Variants in MYO9A observed in about 807,000 individuals in gnomAD.
MYO9A encodes myosin IXA, also known as unconventional myosin-IXa.
MYO9A carries 103 observed loss-of-function variants against 293.3 expected under a neutral mutation model. That is an observed-to-expected ratio of 0.35 (90% CI 0.30 to 0.41). The LOEUF (loss-of-function observed/expected upper bound fraction) is 0.41, where lower values mean the gene tolerates loss of function less well. Ranked by LOEUF, MYO9A falls within the 10% of genes least tolerant of loss-of-function variation. The probability of loss-of-function intolerance (pLI) is 1.00; values close to 1 mark genes in which losing one functional copy is unlikely to be tolerated. For synonymous variants in MYO9A, 1,001 were observed against 1,035.7 expected (o/e 0.97, Z 0.64); for missense variants, 2,685 against 3,033.0 (o/e 0.89, Z 2.69).
chr15:71,987,440 G>A (rs1470508423), intron 11 of MYO9A, among the ~76,000 whole-genome samples: 1 of 152,164 alleles, frequency 6.6e-6, no homozygotes, highest in Non-Finnish European at 1.5e-5. Flanking sequence ...TAAGTACAAT[G>A]TGTATAATGT....
At chr15:72,118,309 C>T, upstream of MYO9A, 1 of 236,620 alleles carries the variant, frequency 4.2e-6, no homozygotes, top group Non-Finnish European at 8.1e-6. Context: ...CTTCACCTTA[C>T]GGCAGAGCAG....
intron 1 of MYO9A, among the ~76,000 whole-genome samples, chr15:72,080,617 T>C (rs887773611): frequency 3.3e-5 from 5 of 151,978 alleles, no homozygotes; most frequent in African/African-American, 1.2e-4. Flanking sequence ...TTGGGTTTTT[T>C]TTTTACTTTT....
chr15:71,984,587 G>C (rs2076362313), intron 11 of MYO9A, among the ~76,000 whole-genome samples: 2 of 152,038 alleles, frequency 1.3e-5, no homozygotes, highest in Non-Finnish European at 2.9e-5. Flanking sequence ...GCACATGTTA[G>C]ACCTTTTTAC....
intron 9 of MYO9A, among the ~76,000 whole-genome samples, chr15:71,998,450 A>T (rs1463564140): frequency 6.6e-6 from 1 of 152,144 alleles, no homozygotes; most frequent in African/African-American, 2.4e-5. Context: ...TTAAAAGTTA[A>T]ATTTTTTAAA....
intron 6 of MYO9A, among the ~76,000 whole-genome samples, chr15:72,012,598 C>G (rs2077206315): frequency 6.6e-6 from 1 of 152,076 alleles, no homozygotes; most frequent in Admixed American, 6.6e-5. Flanking sequence ...GTACCCAGCC[C>G]TAAGATAAAT....
chr15:72,008,504 GTA>G (rs1555403725), intron 7 of MYO9A, among the ~76,000 whole-genome samples: 11 of 150,718 alleles, frequency 7.3e-5, no homozygotes, highest in African/African-American at 2.4e-4. Context: ...GTGTGTGTGT[GTA>G]TGTGTGTGTG....
intron 1 of MYO9A, among the ~76,000 whole-genome samples, chr15:72,107,163 A>G (rs951031220): frequency 6.6e-6 from 1 of 152,238 alleles, no homozygotes; most frequent in Non-Finnish European, 1.5e-5. Flanking sequence ...AGAATTATCA[A>G]GATGATATCA....
chr15:72,082,354 T>C (rs1242317726), intron 1 of MYO9A, among the ~76,000 whole-genome samples: 2 of 152,210 alleles, frequency 1.3e-5, no homozygotes, highest in Admixed American at 6.5e-5. Flanking sequence ...ATTGGAATGC[T>C]AGTGATTTCT....
intron 16 of MYO9A, 100 bp from the exon 17 acceptor site, chr15:71,935,584 G>GA: frequency 3.2e-6 from 4 of 1,238,314 alleles, no homozygotes; most frequent in African/African-American, 1.5e-5. Flanking sequence ...TTAAAATTTA[G>GA]AAAAAAATGC....
chr15:72,065,004 CAA>C (rs1052451404), intron 1 of MYO9A, among the ~76,000 whole-genome samples: 6 of 152,116 alleles, frequency 3.9e-5, no homozygotes, highest in Non-Finnish European at 7.4e-5. Flanking sequence ...AGGAGAGACA[CAA>C]GAGAATCCAG....
chr15:71,897,249 C>A, intron 25 of MYO9A: 2 of 547,986 alleles, frequency 3.6e-6, no homozygotes. Context: ...CCAGTATTTA[C>A]TCTGCTATTC....
intron 11 of MYO9A, among the ~76,000 whole-genome samples, chr15:71,979,707 C>A (rs1005963643): frequency 6.6e-6 from 1 of 152,130 alleles, no homozygotes; most frequent in African/African-American, 2.4e-5. Context: ...AGACATATGG[C>A]CCAAAAAGCC....
intron 2 of MYO9A, chr15:72,041,152 G>A: frequency 1.2e-6 from 1 of 807,728 alleles, no homozygotes; most frequent in African/African-American, 1.7e-5. Context: ...GGCTGAGGTG[G>A]GAGAATTGCT....
chr15:72,030,680 C>T (rs1004444793), intron 3 of MYO9A, among the ~76,000 whole-genome samples: 2 of 152,034 alleles, frequency 1.3e-5, no homozygotes, highest in East Asian at 3.9e-4. Flanking sequence ...CGTGCCACCA[C>T]ACCTGGCTAA....
chr15:72,006,699 T>C (rs141642786), intron 8 of MYO9A, among the ~76,000 whole-genome samples: 29 of 152,168 alleles, frequency 1.9e-4, no homozygotes, highest in East Asian at 3.9e-4. Flanking sequence ...ATTTAAGAGA[T>C]TGGGGGATTC....
chr15:71,960,513 T>C (rs2075712344), intron 13 of MYO9A: 1 of 163,986 alleles, frequency 6.1e-6, no homozygotes, highest in African/African-American at 2.4e-5. Context: ...CGTGAGCCAA[T>C]TAAATCTCTT....
intron 2 of MYO9A, among the ~76,000 whole-genome samples, chr15:72,044,501 A>G (rs1481011937): frequency 6.6e-6 from 1 of 152,140 alleles, no homozygotes; most frequent in African/African-American, 2.4e-5. Flanking sequence ...TTCCTCCTAT[A>G]TAACTAAAAA....
rs2059060231 is a variant in MYO9A at position 71,951,895 on chromosome 15, T to A, written c.2184A>T (p.Gly728=). The A allele has an allele frequency of 1.3e-6, 2 of 1,568,788 alleles. No homozygotes were observed. The highest frequency in any genetic ancestry group is 1.7e-6 in the Non-Finnish European group (2 of 1,166,402). ...TTGCACATGGCGCTGTATCATCATG[T>A]CCTTAGGAAGCAAAAAAAAACAAAC... The part of the protein sequence containing the change: ...AGKRNIHRKT[G]HDDTAPCAIL... The change falls in exon 15 of 42, where the codon GGA becomes GGT. Residue 728 remains glycine, a splice_region_variant and synonymous_variant. Coordinates refer to ENST00000356056, the MANE Select transcript of MYO9A (RefSeq NM_006901.4).
chr15:71,854,611 A>G, intron 34 of MYO9A, 42 bp from the exon 35 acceptor site: 1 of 1,431,326 alleles, frequency 7.0e-7, no homozygotes, highest in Non-Finnish European at 9.3e-7. Context: ...GCATTCAAAC[A>G]TCTTGAAACA....
Sources: gnomAD v4.1 joint callset for allele counts (sites outside exome capture counted in the v4.1 genomes callset) on GRCh38, gnomAD v4.1.1 for gene constraint, MANE v1.5 for transcripts, NCBI Gene and HGNC (gene_info 2026-07-23, HGNC 2026-07-21) for gene names.